Variants in GRB10 observed in about 807,000 individuals in gnomAD.
GRB10 encodes growth factor receptor bound protein 10.
In GRB10, 20 loss-of-function variants were observed where a neutral mutation model predicts 80.9. The ratio of observed to expected loss-of-function variants is 0.25; its 90% CI spans 0.17 to 0.36. The LOEUF (loss-of-function observed/expected upper bound fraction) is 0.36, where lower values mean the gene tolerates loss of function less well. Ranked by LOEUF, GRB10 falls within the 10% of genes least tolerant of loss-of-function variation. GRB10 has a pLI of 1.00. For missense variants in GRB10, 548 were observed against 747.7 expected, an observed-to-expected ratio of 0.73 and a Z score of 3.12; for synonymous variants, 291 against 291.5, an observed-to-expected ratio of 1.00 and a Z score of 0.02.
intron 7 of GRB10, among the ~76,000 whole-genome samples, chr7:50,667,542 C>G (rs2059936144): frequency 6.6e-6 from 1 of 152,040 alleles, no homozygotes; most frequent in African/African-American, 2.4e-5. Context: ...ATCCAAAGCC[C>G]TGGGAAGTGG....
intron 8 of GRB10, among the ~76,000 whole-genome samples, chr7:50,624,387 C>T (rs1445913080): frequency 1.3e-5 from 2 of 152,230 alleles, no homozygotes; most frequent in African/African-American, 4.8e-5. Flanking sequence ...AGATACTCAA[C>T]AGGCTCTCTG....
chr7:50,615,385 G>A (rs887607988), intron 11 of GRB10, among the ~76,000 whole-genome samples: 3 of 152,176 alleles, frequency 2.0e-5, no homozygotes, highest in African/African-American at 7.2e-5. Flanking sequence ...CAGTGAGCGG[G>A]CCACACAGCA....
At chr7:50,652,746 G>A (rs2058148176) in intron 7 of GRB10, among the ~76,000 whole-genome samples, 1 of 152,214 alleles carries the variant, frequency 6.6e-6, no homozygotes, top group African/African-American at 2.4e-5. Flanking sequence ...AGACTTCGCT[G>A]AGACGGCAGA....
At chr7:50,692,322 A>G (rs191671119) in intron 5 of GRB10, among the ~76,000 whole-genome samples, 1 of 152,332 alleles carries the variant, frequency 6.6e-6, no homozygotes, top group East Asian at 1.9e-4. Context: ...ACATATATAT[A>G]TAATGAATAA....
intron 4 of GRB10, among the ~76,000 whole-genome samples, chr7:50,705,612 G>C (rs957352937): frequency 6.6e-6 from 1 of 151,956 alleles, no homozygotes; most frequent in Non-Finnish European, 1.5e-5. Flanking sequence ...AGTCACATGG[G>C]GATTACAAAT....
At chr7:50,785,285 C>T (rs923332090), upstream of GRB10, among the ~76,000 whole-genome samples, 1 of 152,188 alleles carries the variant, frequency 6.6e-6, no homozygotes, top group Admixed American at 6.5e-5. Flanking sequence ...GTGGGAAGAC[C>T]CCAGACAGCT....
chr7:50,783,470 TCACATACATACACACCACA>T (rs1344890190), upstream of GRB10, among the ~76,000 whole-genome samples: 3 of 29,106 alleles, frequency 1.0e-4, no homozygotes, highest in African/African-American at 5.0e-4. Flanking sequence ...ACCCACCCAC[TCACATACATACACACCACA>T]CACATACATA....
chr7:50,732,824 C>T (rs922998251), intron 3 of GRB10, among the ~76,000 whole-genome samples: 4 of 152,194 alleles, frequency 2.6e-5, no homozygotes, highest in Non-Finnish European at 5.9e-5. Context: ...TGAGTGAACA[C>T]TAGCTCCACA....
At chr7:50,640,685 T>C (rs567931379) in intron 7 of GRB10, among the ~76,000 whole-genome samples, 12 of 152,378 alleles carry the variant, frequency 7.9e-5, no homozygotes, top group African/African-American at 2.6e-4. Flanking sequence ...TGTAGCTTAT[T>C]TGCCATCCAA....
chr7:50,745,501 A>G (rs1377156936), intron 3 of GRB10, among the ~76,000 whole-genome samples: 1 of 152,212 alleles, frequency 6.6e-6, no homozygotes, highest in East Asian at 1.9e-4. Flanking sequence ...ATGACAACAC[A>G]TTACCAACTA....
At position 50,782,587 on chromosome 7, in the gene GRB10, C is replaced by A. The variant is rs1352601152; in HGVS notation, c.-490G>T. 1 of 151,154 alleles carries A rather than the reference C, an allele frequency of 6.6e-6. No homozygotes were observed. The highest frequency in any genetic ancestry group is 1.5e-5 in the Non-Finnish European group (1 of 67,722). 9.4% of individuals were successfully genotyped at this position (151,154 alleles called of 1,614,324 possible). On this transcript the variant is annotated 5_prime_UTR_variant, in exon 1 of 19. Coordinates refer to ENST00000401949, the MANE Select transcript of GRB10 (RefSeq NM_001350814.2). The surrounding 1 kb of genome is among the most constrained non-coding windows in gnomAD (Gnocchi z 6.6). ...GGGCTGGTCCTCCACGGCTCCGCCC[C>A]GGCCAGGGGCCTGCGGCGCAGAAAA...
chr7:50,701,362 C>A (rs1302960741), intron 5 of GRB10, among the ~76,000 whole-genome samples: 1 of 152,096 alleles, frequency 6.6e-6, no homozygotes, highest in Non-Finnish European at 1.5e-5. Context: ...TTCCAGTGGT[C>A]GACATGGGAG....
rs115799519 is a variant in GRB10 at position 50,729,853 on chromosome 7, T to C, written c.51+2419A>G. ...TCCATGTCTGTCTCCTCCACTGGAATCCAGGAGCCCCAAAGATCTGTCTGC... is the reference window on the plus strand; with the variant it reads ...TCCATGTCTGTCTCCTCCACTGGAACCCAGGAGCCCCAAAGATCTGTCTGC... On this transcript the variant is annotated intron_variant, in intron 4 of 18. Transcript: ENST00000401949. Among the ~76,000 whole-genome samples, 552 of 152,018 alleles carry C rather than the reference T, an allele frequency of 3.6e-3. 4 individuals carry two copies. The highest frequency in any genetic ancestry group is 0.013 in the African/African-American group (524 of 41,476).
At chr7:50,738,442 T>C (rs767417063) in intron 3 of GRB10, among the ~76,000 whole-genome samples, 4 of 152,226 alleles carry the variant, frequency 2.6e-5, no homozygotes, top group East Asian at 3.8e-4. Context: ...GGTATATACA[T>C]ACATGGAATG....
At chr7:50,763,139 G>T (rs969740166) in intron 2 of GRB10, among the ~76,000 whole-genome samples, 1 of 151,760 alleles carries the variant, frequency 6.6e-6, no homozygotes, top group African/African-American at 2.4e-5. Flanking sequence ...AAAAGCCTTG[G>T]GACAAAATAT....
rs1365646372 is a variant in GRB10, at chr7:50,591,507, G to A, written c.*1445C>T. ...CCACAGTAGTTTGTCGCCTGTCAAAGGAGTCCTTTCTGCTTTACAGGGATC... is the reference window on the plus strand; with the variant it reads ...CCACAGTAGTTTGTCGCCTGTCAAAAGAGTCCTTTCTGCTTTACAGGGATC... On this transcript the variant is annotated 3_prime_UTR_variant, in exon 19 of 19. Transcript: ENST00000401949. The A allele has an allele frequency of 6.7e-6, 1 of 149,128 alleles. No homozygotes were observed. The highest frequency in any genetic ancestry group is 6.6e-5 in the Admixed American group (1 of 15,214). 9.2% of individuals were successfully genotyped at this position (149,128 alleles called of 1,614,324 possible).
chr7:50,614,271 T>C (rs2050121468), intron 12 of GRB10, among the ~76,000 whole-genome samples: 1 of 152,198 alleles, frequency 6.6e-6, no homozygotes. Flanking sequence ...GGTATGTGCA[T>C]GTAGATGTGT....
At chr7:50,701,633 G>C (rs2529402) in intron 5 of GRB10, among the ~76,000 whole-genome samples, 17,800 of 152,212 alleles carry the variant, frequency 0.12, 3,498 homozygotes, top group African/African-American at 0.41. Flanking sequence ...AAGACTACCA[G>C]TGACACATTT....
At chr7:50,607,705 C>T (rs959127592) in intron 13 of GRB10, among the ~76,000 whole-genome samples, 1 of 152,212 alleles carries the variant, frequency 6.6e-6, no homozygotes, top group African/African-American at 2.4e-5. Flanking sequence ...TGAACGTACA[C>T]GACCTGTTCC....
Sources: gnomAD v4.1 joint callset for allele counts (sites outside exome capture counted in the v4.1 genomes callset) on GRCh38, gnomAD v4.1.1 for gene constraint, Gnocchi (gnomAD v3.1) non-coding constraint, MANE v1.5 for transcripts, NCBI Gene and HGNC (gene_info 2026-07-23, HGNC 2026-07-21) for gene names.